DPYD: variants seen among roughly 807,000 people sequenced by gnomAD.
DPYD encodes the protein dihydropyrimidine dehydrogenase [NADP(+)].
A neutral mutation model predicts 116.2 loss-of-function variants in DPYD; 109 were observed. The observed-to-expected ratio is 0.94, with a 90% confidence interval of 0.80 to 1.10. The LOEUF (loss-of-function observed/expected upper bound fraction) is 1.10, where lower values mean the gene tolerates loss of function less well. Ranked by LOEUF, DPYD falls within the 50% of genes least tolerant of loss-of-function variation. DPYD has a pLI of 0.00. For missense variants in DPYD, 1,302 were observed against 1,254.5 expected, an observed-to-expected ratio of 1.04 and a Z score of -0.57; for synonymous variants, 440 against 432.0, an observed-to-expected ratio of 1.02 and a Z score of -0.23.
chr1:97,271,431 T>C (rs1664576510), intron 18 of DPYD, among the ~76,000 whole-genome samples: 1 of 152,168 alleles, frequency 6.6e-6, no homozygotes, highest in African/African-American at 2.4e-5. Context: ...TTTAAGCAAG[T>C]AGGTTCTTTG....
At chr1:97,767,011 A>G (rs1267697618) in intron 3 of DPYD, among the ~76,000 whole-genome samples, 1 of 152,192 alleles carries the variant, frequency 6.6e-6, no homozygotes, top group Non-Finnish European at 1.5e-5. Context: ...CAAAGGCAGG[A>G]TTTAAGAAAC....
At chr1:97,503,586 T>C (rs899895564) in intron 13 of DPYD, among the ~76,000 whole-genome samples, 1 of 151,946 alleles carries the variant, frequency 6.6e-6, no homozygotes, top group Non-Finnish European at 1.5e-5. Context: ...CAACCTTTCT[T>C]TCTTCTCTCC....
chr1:97,089,810 C>T (rs900681975), intron 21 of DPYD, among the ~76,000 whole-genome samples: 2 of 141,892 alleles, frequency 1.4e-5, no homozygotes, highest in African/African-American at 5.2e-5. Context: ...CGGAGGGCCT[C>T]TGAGGCCATT....
intron 18 of DPYD, among the ~76,000 whole-genome samples, chr1:97,286,929 C>A (rs1665731251): frequency 6.6e-6 from 1 of 152,250 alleles, no homozygotes; most frequent in African/African-American, 2.4e-5. Context: ...TCGTCAAAGT[C>A]ATTCTCTGCC....
At chr1:97,609,341 G>T (rs1655793729) in intron 8 of DPYD, among the ~76,000 whole-genome samples, 2 of 151,844 alleles carry the variant, frequency 1.3e-5, no homozygotes. Context: ...ACCCTAACTT[G>T]CTGTTTTGTC....
intron 4 of DPYD, among the ~76,000 whole-genome samples, chr1:97,731,876 T>TA (rs978017427): frequency 6.6e-6 from 1 of 151,982 alleles, no homozygotes; most frequent in Non-Finnish European, 1.5e-5. Flanking sequence ...ATTTAGTTTT[T>TA]ATATCATTAG....
At chr1:97,407,451 T>C (rs4434871) in intron 14 of DPYD, among the ~76,000 whole-genome samples, 18,034 of 152,142 alleles carry the variant, frequency 0.12, 1,400 homozygotes, top group South Asian at 0.28. Context: ...ACATTAGTGG[T>C]ACTGTGTCTT....
At chr1:97,528,103 C>T (rs933206578) in intron 12 of DPYD, among the ~76,000 whole-genome samples, 5 of 152,108 alleles carry the variant, frequency 3.3e-5, no homozygotes, top group Admixed American at 6.5e-5. Context: ...TAATAATTAA[C>T]TCAAGATCAG....
chr1:97,597,621 T>C (rs191192512), intron 8 of DPYD, among the ~76,000 whole-genome samples: 13 of 152,268 alleles, frequency 8.5e-5, no homozygotes, highest in Non-Finnish European at 1.2e-4. Context: ...TTTAAGGAGA[T>C]TGCCTCAATA....
Position 97,695,868 on chromosome 1 carries a change from G to A in DPYD, c.680+3483C>T, listed in dbSNP as rs138059850. 2.4e-3 allele frequency among the ~76,000 whole-genome samples: 364 copies of A among 152,216 alleles called. 2 individuals are homozygous for A. The highest frequency in any genetic ancestry group is 8.3e-3 in the African/African-American group (343 of 41,526). On this transcript the variant is annotated intron_variant, in intron 6 of 22. Transcript: ENST00000370192. Reference sequence around the variant, plus strand: ...GAGGTGGCCGGGCGCAGTGGCTCACGCCTGTAATCCCAGCCCTTTGGGAGG... The same window carrying A: ...GAGGTGGCCGGGCGCAGTGGCTCACACCTGTAATCCCAGCCCTTTGGGAGG...
intron 6 of DPYD, among the ~76,000 whole-genome samples, chr1:97,692,902 C>G (rs955084454): frequency 2.6e-5 from 4 of 152,024 alleles, no homozygotes; most frequent in African/African-American, 9.7e-5. Context: ...TGAAAAATCT[C>G]CCAAAGTACA....
intron 4 of DPYD, among the ~76,000 whole-genome samples, chr1:97,726,404 A>AT (rs1369339325): frequency 6.6e-6 from 1 of 151,642 alleles, no homozygotes; most frequent in Non-Finnish European, 1.5e-5. Context: ...CTAACTCAGA[A>AT]TTAATCAGTC....
chr1:97,874,347 A>ATCATAAAT (rs1352829404), intron 2 of DPYD, among the ~76,000 whole-genome samples: 2 of 151,982 alleles, frequency 1.3e-5, no homozygotes, highest in Non-Finnish European at 2.9e-5. Context: ...CATTAAACAT[A>ATCATAAAT]TCATAAATTC....
intron 20 of DPYD, among the ~76,000 whole-genome samples, chr1:97,120,806 G>T (rs1652367826): frequency 6.6e-6 from 1 of 152,138 alleles, no homozygotes; most frequent in Admixed American, 6.6e-5. Context: ...GAAATATGGA[G>T]GGTCTTTAGC....
chr1:97,143,897 T>C (rs1385523992), intron 20 of DPYD, among the ~76,000 whole-genome samples: 1 of 152,162 alleles, frequency 6.6e-6, no homozygotes, highest in Non-Finnish European at 1.5e-5. Context: ...GCTGCTTTTA[T>C]GTGTCATCAA....
intron 14 of DPYD, among the ~76,000 whole-genome samples, chr1:97,407,260 A>C (rs1306959431): frequency 2.0e-5 from 3 of 152,206 alleles, no homozygotes; most frequent in South Asian, 2.1e-4. Context: ...TTCCAAAACC[A>C]TACATTTAAG....
chr1:97,491,755 T>G (rs1056498212), intron 13 of DPYD, among the ~76,000 whole-genome samples: 3 of 152,100 alleles, frequency 2.0e-5, no homozygotes, highest in African/African-American at 4.8e-5. Context: ...TTAATCATAT[T>G]GTCTATTATA....
chr1:97,358,312 G>A (rs894701816), intron 16 of DPYD, among the ~76,000 whole-genome samples: 11 of 152,192 alleles, frequency 7.2e-5, no homozygotes, highest in Non-Finnish European at 8.8e-5. Context: ...GCTAGAACTC[G>A]GTGGAGCCCA....
At chr1:97,900,979 A>C (rs1356780589) in intron 1 of DPYD, among the ~76,000 whole-genome samples, 2 of 151,898 alleles carry the variant, frequency 1.3e-5, no homozygotes, top group African/African-American at 4.8e-5. Flanking sequence ...ACTTTTTATC[A>C]AAATTTTATA....
Sources: gnomAD v4.1 joint callset for allele counts (sites outside exome capture counted in the v4.1 genomes callset) on GRCh38, gnomAD v4.1.1 for gene constraint, MANE v1.5 for transcripts, NCBI Gene and HGNC (gene_info 2026-07-23, HGNC 2026-07-21) for gene names.